The following TRIM54 variants were observed in gnomAD, a reference collection of about 807,000 sequenced individuals.
TRIM54 encodes tripartite motif-containing protein 54.
Under a neutral mutation model 42.0 loss-of-function variants are expected in TRIM54, and 40 were observed. That is an observed-to-expected ratio of 0.95 (90% CI 0.74 to 1.24). TRIM54 has a LOEUF of 1.24. TRIM54 is among the 50% of genes most tolerant of loss of function. The pLI is 0.00. For missense variants in TRIM54, 485 were observed against 480.3 expected (o/e 1.01, Z -0.09); for synonymous variants, 199 against 194.9 (o/e 1.02, Z -0.17).
intron 1 of TRIM54, among the ~76,000 whole-genome samples, chr2:27,284,299 C>T (rs537407158): frequency 6.6e-6 from 1 of 152,238 alleles, no homozygotes; most frequent in Non-Finnish European, 1.5e-5. Context: ...AAAATACTTC[C>T]CTTTTTAAGT....
rs778405580 is a variant in TRIM54, at chr2:27,304,957, A to G, written c.514-2A>G. 1.2e-6 allele frequency: 2 copies of G among 1,613,810 alleles called. No individual in the cohort carries two copies. Among genetic ancestry groups the G allele is most frequent in the Non-Finnish European group, 1.7e-6 (2 of 1,179,828 alleles). ...CTGAGTGCTGACCTGTGTGTGTATC[A>G]GAGTGAGCTCAGCGATGGCATCGCG... On this transcript the variant is annotated splice_acceptor_variant, in intron 3 of 8. Coordinates refer to ENST00000380075, the MANE Select transcript of TRIM54 (RefSeq NM_187841.3). LOFTEE classifies it high-confidence loss of function.
chr2:27,293,708 C>CT (rs1315276535), intron 1 of TRIM54, among the ~76,000 whole-genome samples: 1 of 150,988 alleles, frequency 6.6e-6, no homozygotes, highest in Non-Finnish European at 1.5e-5. Context: ...TACCCTTTTA[C>CT]TTTTTTTACT....
At chr2:27,283,822 G>A (rs1383812255) in intron 1 of TRIM54, among the ~76,000 whole-genome samples, 5 of 77,672 alleles carry the variant, frequency 6.4e-5, no homozygotes, top group South Asian at 1.4e-3. Context: ...ACACACACAC[G>A]GCCTTGCCGT....
intron 1 of TRIM54, among the ~76,000 whole-genome samples, chr2:27,287,042 A>G (rs1678586400): frequency 6.6e-6 from 1 of 152,198 alleles, no homozygotes; most frequent in Non-Finnish European, 1.5e-5. Context: ...TTACTTCTGT[A>G]GGGAAGATCT....
Position 27,306,547 on chromosome 2 carries a change from G to A in TRIM54, c.*1+5G>A. 6.5e-6 allele frequency: 10 copies of A among 1,541,370 alleles called. No individual in the cohort carries two copies. The highest frequency in any genetic ancestry group is 8.7e-6 in the Non-Finnish European group (10 of 1,143,108). On this transcript the variant is annotated splice_donor_5th_base_variant and intron_variant, in intron 8 of 8. Transcript: ENST00000380075. This position sits in a 1 kb window ranked among gnomAD's most constrained non-coding sequence, Gnocchi z 6.1. ...AGCGGCCGGATGGGCCTTAAGGTGA[G>A]AGCCGCCCGATGGGCCTTAAGGTGA...
At chr2:27,298,887 T>C in intron 2 of TRIM54, 148 bp downstream of exon 2, 1 of 873,232 alleles carries the variant, frequency 1.1e-6, no homozygotes, top group Non-Finnish European at 1.7e-6. Flanking sequence ...GGGACTTGCC[T>C]CAGGCCTCCC....
chr2:27,292,672 C>T (rs997194112), intron 1 of TRIM54, among the ~76,000 whole-genome samples: 2 of 152,042 alleles, frequency 1.3e-5, no homozygotes, highest in Admixed American at 1.3e-4. Context: ...AGAACTTTAT[C>T]ACCACCCCAA....
At position 27,306,251 on chromosome 2, in the gene TRIM54, C is replaced by T. The variant is rs750460885; in HGVS notation, c.905C>T (p.Pro302Leu). ...TCGAAGGTGGAGCTGGCAGGGCGGCCGGAGCCAGGCTATGAGAGCATGGAG... is the reference window on the plus strand; with the variant it reads ...TCGAAGGTGGAGCTGGCAGGGCGGCTGGAGCCAGGCTATGAGAGCATGGAG... ...AMSKVELAGR[P>L]EPGYESMEQF... Residue 302 changes from proline (P) to leucine (L), a missense_variant, in exon 7 of 9, where the codon CCG (proline) becomes CTG (leucine). Pro to Leu is a moderately conservative substitution (Grantham distance 98, BLOSUM62 -3). Coordinates refer to ENST00000380075, the MANE Select transcript of TRIM54 (RefSeq NM_187841.3). This position sits in a 1 kb window ranked among gnomAD's most constrained non-coding sequence, Gnocchi z 6.1. The T allele has an allele frequency of 1.5e-5, 24 of 1,613,952 alleles. No individual in the cohort carries two copies. The East Asian group carries it at 2.0e-4, about 13-fold the overall frequency.
Position 27,306,632 on chromosome 2 carries a change from T to G in TRIM54, c.*1+90T>G. The G allele has an allele frequency of 7.7e-7, 1 of 1,292,416 alleles. No homozygotes were observed. The highest frequency in any genetic ancestry group is 1.5e-5 in the African/African-American group (1 of 66,750). 80.1% of individuals were successfully genotyped at this position (1,292,416 alleles called of 1,614,324 possible). A position where few individuals can be genotyped will look rare whatever the true frequency, so the allele number is the denominator to read the frequency against. The stretch of plus-strand genomic sequence containing the variant: ...GGTGTGCTCGCGTCCCCTCCCCCAG[T>G]GATTGCCCTCCCTGCGGGTAGCGTG... On this transcript the variant is annotated intron_variant, in intron 8 of 8. Transcript: ENST00000380075. The surrounding 1 kb of genome is among the most constrained non-coding windows in gnomAD (Gnocchi z 6.1).
Position 27,305,735 on chromosome 2 carries a change from G to T in TRIM54, c.761G>T (p.Gly254Val), listed in dbSNP as rs1372238933. The change falls in exon 5 of 9, where the codon GGC (glycine) becomes GTC (valine). Residue 254 changes from glycine (G) to valine (V), a missense_variant. Transcript: ENST00000380075. ...QRVRGLIRQY[G>V]DHLEASSKLV... ...GTCCGCGGCCTCATCCGTCAGTATGGCGACCACCTGGAGGCCTCCTCTAAG... is the reference window on the plus strand; with the variant it reads ...GTCCGCGGCCTCATCCGTCAGTATGTCGACCACCTGGAGGCCTCCTCTAAG... The T allele has an allele frequency of 2.5e-6, 4 of 1,611,966 alleles. No individual in the cohort carries two copies. The Middle Eastern group carries it at 5.0e-4, about 201-fold the overall frequency.
intron 1 of TRIM54, among the ~76,000 whole-genome samples, chr2:27,297,494 C>T (rs1572524826): frequency 6.6e-6 from 1 of 152,288 alleles, no homozygotes; most frequent in Admixed American, 6.5e-5. Flanking sequence ...TGATGGGTGT[C>T]TGTTAAGTCC....
intron 4 of TRIM54, 127 bp downstream of exon 4, chr2:27,305,181 G>C: frequency 3.8e-6 from 3 of 796,180 alleles, no homozygotes; most frequent in Non-Finnish European, 6.1e-6. Flanking sequence ...TCCTGGGAGT[G>C]GTGGGAGGTG....
intron 1 of TRIM54, among the ~76,000 whole-genome samples, chr2:27,294,563 C>A (rs1376780653): frequency 1.3e-5 from 2 of 152,088 alleles, no homozygotes; most frequent in African/African-American, 4.8e-5. Context: ...CACTGAGACA[C>A]AATTTCCTCA....
chr2:27,307,031 G>C lies in TRIM54; in HGVS notation c.*146G>C. The stretch of plus-strand genomic sequence containing the variant: ...GCGTCCCAGACCCGTATCTCCTTTC[G>C]CTGCCCAACCCCGCAGCCTGGGCTT... On this transcript the variant is annotated 3_prime_UTR_variant, in exon 9 of 9. Coordinates refer to ENST00000380075, the MANE Select transcript of TRIM54 (RefSeq NM_187841.3). This position sits in a 1 kb window ranked among gnomAD's most constrained non-coding sequence, Gnocchi z 6.9. The C allele has an allele frequency of 4.4e-6, 1 of 228,512 alleles. No homozygotes were observed. The highest frequency in any genetic ancestry group is 8.6e-6 in the Non-Finnish European group (1 of 115,932). The allele number at this position is 228,512 out of a possible 1,614,324, so 14.2% of individuals were successfully genotyped here.
chr2:27,299,864 C>T (rs1333254215), intron 3 of TRIM54, among the ~76,000 whole-genome samples: 1 of 150,890 alleles, frequency 6.6e-6, no homozygotes, highest in Non-Finnish European at 1.5e-5. Flanking sequence ...TGCCACCACA[C>T]CCAGCTTTTT....
chr2:27,293,396 G>T (rs561779930), intron 1 of TRIM54, among the ~76,000 whole-genome samples: 1 of 152,142 alleles, frequency 6.6e-6, no homozygotes, highest in Non-Finnish European at 1.5e-5. Context: ...TCTCAATTTG[G>T]TTGTGTTGTC....
At chr2:27,283,784 G>GCGCGCGCGCACACACACACA (rs367621533) in intron 1 of TRIM54, among the ~76,000 whole-genome samples, 6 of 132,168 alleles carry the variant, frequency 4.5e-5, no homozygotes, top group Admixed American at 3.8e-4. Flanking sequence ...ACACACGCGC[G>GCGCGCGCGCACACACACACA]CACACACACA....
intron 1 of TRIM54, among the ~76,000 whole-genome samples, chr2:27,283,770 A>ACGCACGCGCGCGCGCGCG (rs1487361341): frequency 0.012 from 1,199 of 100,368 alleles, 15 homozygotes; most frequent in South Asian, 0.021. Flanking sequence ...AAAGGCACAC[A>ACGCACGCGCGCGCGCGCG]CACACACACG....
chr2:27,306,767 G>A lies in TRIM54; in HGVS notation c.*2-120G>A. 1.7e-6 allele frequency: 1 copy of A among 587,536 alleles called. No homozygotes were observed. Among genetic ancestry groups the A allele is most frequent in the Non-Finnish European group, 3.0e-6 (1 of 334,094 alleles). The allele number at this position is 587,536 out of a possible 1,614,324, so 36.4% of individuals were successfully genotyped here. A position where few individuals can be genotyped will look rare whatever the true frequency, so the allele number is the denominator to read the frequency against. On this transcript the variant is annotated intron_variant, in intron 8 of 8. Transcript: ENST00000380075. This position sits in a 1 kb window ranked among gnomAD's most constrained non-coding sequence, Gnocchi z 6.1. Reference sequence around the variant, plus strand: ...CGCTGTTCCTCTGGGGTGCTGGGAGGGCAGGCAAGGCAGGCTGAGTAGAGG... The same window carrying A: ...CGCTGTTCCTCTGGGGTGCTGGGAGAGCAGGCAAGGCAGGCTGAGTAGAGG...
Sources: gnomAD v4.1 joint callset for allele counts (sites outside exome capture counted in the v4.1 genomes callset) on GRCh38, gnomAD v4.1.1 for gene constraint, Gnocchi (gnomAD v3.1) non-coding constraint, MANE v1.5 for transcripts, NCBI Gene and HGNC (gene_info 2026-07-23, HGNC 2026-07-21) for gene names.